ENTREP2: variants seen among roughly 807,000 people sequenced by gnomAD.
ENTREP2 encodes the protein endosomal transmembrane epsin interactor 2, also known as protein ENTREP2.
chr15:29,629,549 C>T, the ENTREP2 span, among the ~76,000 whole-genome samples: 2 of 152,160 alleles, frequency 1.3e-5, no homozygotes, highest in Non-Finnish European at 2.9e-5. Context: ...TTACCATAGT[C>T]AAGTGTAGAA....
the ENTREP2 span, among the ~76,000 whole-genome samples, chr15:29,352,495 T>C: frequency 4.6e-5 from 7 of 152,218 alleles, no homozygotes; most frequent in African/African-American, 1.2e-4. Flanking sequence ...TTCCTGCTTA[T>C]GAAATTACAT....
At chr15:29,510,726 G>C in the ENTREP2 span, among the ~76,000 whole-genome samples, 1 of 150,266 alleles carries the variant, frequency 6.7e-6, no homozygotes, top group African/African-American at 2.4e-5. Flanking sequence ...AGAATGGCGT[G>C]AACCCGGGAA....
the ENTREP2 span, among the ~76,000 whole-genome samples, chr15:29,149,199 A>T: frequency 6.6e-6 from 1 of 152,124 alleles, no homozygotes; most frequent in Non-Finnish European, 1.5e-5. Flanking sequence ...CATTTATCGC[A>T]ACCGCCATAG....
At chr15:29,499,196 G>A in the ENTREP2 span, among the ~76,000 whole-genome samples, 1 of 152,112 alleles carries the variant, frequency 6.6e-6, no homozygotes, top group South Asian at 2.1e-4. Flanking sequence ...GTTTCTGGGT[G>A]TTTTGAGGAT....
At chr15:29,283,358 T>C in the ENTREP2 span, among the ~76,000 whole-genome samples, 6 of 152,030 alleles carry the variant, frequency 3.9e-5, no homozygotes, top group Non-Finnish European at 7.4e-5. Flanking sequence ...CTCTTCTTCT[T>C]TTTTTTTGGA....
chr15:29,591,530 C>T, the ENTREP2 span, among the ~76,000 whole-genome samples: 3 of 152,234 alleles, frequency 2.0e-5, no homozygotes, highest in Admixed American at 1.3e-4. Context: ...GAAATAGGAT[C>T]TTTGCAGATA....
At chr15:29,512,128 A>G in the ENTREP2 span, among the ~76,000 whole-genome samples, 1 of 152,142 alleles carries the variant, frequency 6.6e-6, no homozygotes, top group Non-Finnish European at 1.5e-5. Context: ...TGAGCCAACC[A>G]GAACTACCAT....
the ENTREP2 span, among the ~76,000 whole-genome samples, chr15:29,479,953 G>A: frequency 5.3e-5 from 8 of 152,022 alleles, no homozygotes; most frequent in African/African-American, 1.9e-4. Flanking sequence ...GTGGTTCTGT[G>A]GACATGGCTG....
the ENTREP2 span, among the ~76,000 whole-genome samples, chr15:29,186,051 G>A: frequency 1.3e-5 from 2 of 152,152 alleles, no homozygotes; most frequent in South Asian, 2.1e-4. Context: ...TTTGGCCCCC[G>A]AATGGGGCGG....
the ENTREP2 span, among the ~76,000 whole-genome samples, chr15:29,642,492 T>C: frequency 6.8e-6 from 1 of 147,234 alleles, no homozygotes; most frequent in Admixed American, 6.9e-5. Context: ...CATATATACA[T>C]ATATACACAT....
chr15:29,150,578 C>A, the ENTREP2 span, among the ~76,000 whole-genome samples: 1 of 152,146 alleles, frequency 6.6e-6, no homozygotes, highest in African/African-American at 2.4e-5. Flanking sequence ...TGAACAAGGG[C>A]AGAAGTTCAA....
the ENTREP2 span, among the ~76,000 whole-genome samples, chr15:29,283,963 C>T: frequency 9.4e-3 from 1,424 of 152,094 alleles, 25 homozygotes; most frequent in African/African-American, 0.032. Context: ...AAATGAAAGA[C>T]GTATCCCACA....
the ENTREP2 span, among the ~76,000 whole-genome samples, chr15:29,500,800 A>G: frequency 1.3e-5 from 2 of 152,224 alleles, no homozygotes; most frequent in Non-Finnish European, 2.9e-5. Context: ...CAACAAAACC[A>G]AAGTTGGTTC....
At chr15:29,513,409 C>A in the ENTREP2 span, among the ~76,000 whole-genome samples, 27 of 152,290 alleles carry the variant, frequency 1.8e-4, no homozygotes, top group African/African-American at 6.0e-4. Flanking sequence ...TAAGGTTCCA[C>A]GGAACCTAGT....
At chr15:29,515,201 G>C in the ENTREP2 span, among the ~76,000 whole-genome samples, 1 of 152,336 alleles carries the variant, frequency 6.6e-6, no homozygotes, top group African/African-American at 2.4e-5. Context: ...CAGCTAGACA[G>C]TGCAGAGCAG....
At chr15:29,128,644 C>T in the ENTREP2 span, 1 of 719,990 alleles carries the variant, frequency 1.4e-6, no homozygotes. Flanking sequence ...AAGACTGCTG[C>T]AAACTCCACC....
chr15:29,411,677 T>A, the ENTREP2 span, among the ~76,000 whole-genome samples: 1 of 152,238 alleles, frequency 6.6e-6, no homozygotes, highest in African/African-American at 2.4e-5. Context: ...GTACTTACCT[T>A]TCAAACATAT....
the ENTREP2 span, among the ~76,000 whole-genome samples, chr15:29,407,677 T>G: frequency 1.3e-5 from 2 of 148,248 alleles, no homozygotes; most frequent in Non-Finnish European, 3.0e-5. Flanking sequence ...CCCATTTTTT[T>G]GGGTTGGGGG....
At chr15:29,460,146 AG>A in the ENTREP2 span, among the ~76,000 whole-genome samples, 87,969 of 151,608 alleles carry the variant, frequency 0.58, 25,642 homozygotes, top group Non-Finnish European at 0.61. Context: ...CAGCTACTCA[AG>A]ATGCTGAGGC....
Sources: gnomAD v4.1 joint callset for allele counts (sites outside exome capture counted in the v4.1 genomes callset) on GRCh38, gnomAD v4.1.1 for gene constraint, MANE v1.5 for transcripts, NCBI Gene and HGNC (gene_info 2026-07-23, HGNC 2026-07-21) for gene names.